Variants in UGGT2 observed in about 807,000 individuals in gnomAD.
The protein encoded by UGGT2 is UDP-glucose glycoprotein glucosyltransferase 2.
Under a neutral mutation model 192.1 loss-of-function variants are expected in UGGT2, and 180 were observed. The observed-to-expected ratio is 0.94, with a 90% CI of 0.83 to 1.06. The LOEUF (loss-of-function observed/expected upper bound fraction) is 1.06. Among genes scored for constraint, UGGT2 ranks in the 50% least tolerant of loss-of-function variants. UGGT2 has a pLI of 0.00. For missense variants in UGGT2, 1,849 were observed against 1,795.7 expected, an observed-to-expected ratio of 1.03 and a Z score of -0.54; for synonymous variants, 580 against 591.0, an observed-to-expected ratio of 0.98 and a Z score of 0.27.
At chr13:95,935,349 T>G (rs904803306) in intron 17 of UGGT2, among the ~76,000 whole-genome samples, 1 of 152,230 alleles carries the variant, frequency 6.6e-6, no homozygotes. Flanking sequence ...AGAGCTCTTG[T>G]AAGGCCCGTT....
intron 1 of UGGT2, among the ~76,000 whole-genome samples, chr13:96,043,010 A>C (rs2053209893): frequency 6.6e-6 from 1 of 152,222 alleles, no homozygotes; most frequent in Admixed American, 6.5e-5. Flanking sequence ...AGAAGCTCAA[A>C]GAACACCTGG....
At position 95,836,967 on chromosome 13, in the gene UGGT2, T is replaced by C. The variant is rs1182505982; in HGVS notation, c.4401+119A>G. On this transcript the variant is annotated intron_variant, in intron 37 of 38. Transcript: ENST00000376747. ...CAACCTAAGTAAATGTGTAATAGAC[T>C]GAACAGCAGAAGAAGCGAAGTAATA... 7.1e-6 allele frequency: 6 copies of C among 849,624 alleles called. No homozygotes were observed. In the East Asian group the frequency reaches 1.6e-4, roughly 22 times the overall value. The allele number at this position is 849,624 out of a possible 1,614,324, so 52.6% of individuals were successfully genotyped here. A position where few individuals can be genotyped will look rare whatever the true frequency, so the allele number is the denominator to read the frequency against.
chr13:95,939,474 G>A (rs1328293056), intron 16 of UGGT2, among the ~76,000 whole-genome samples: 5 of 109,868 alleles, frequency 4.6e-5, no homozygotes, highest in Non-Finnish European at 9.4e-5. Context: ...TTGAGTTGTT[G>A]CCTTTTTTTT....
chr13:95,848,525 C>G (rs1888704014), intron 36 of UGGT2, among the ~76,000 whole-genome samples: 1 of 152,094 alleles, frequency 6.6e-6, no homozygotes, highest in African/African-American at 2.4e-5. Context: ...TCAGTTGTTC[C>G]AGTGACATTT....
chr13:95,860,205 T>C (rs986427371), intron 32 of UGGT2, among the ~76,000 whole-genome samples: 3 of 151,820 alleles, frequency 2.0e-5, no homozygotes, highest in African/African-American at 7.2e-5. Context: ...TGTTTAAAAA[T>C]AGCCTTTTGT....
chr13:95,823,602 T>C (rs932936191), intron 38 of UGGT2, among the ~76,000 whole-genome samples: 1 of 152,092 alleles, frequency 6.6e-6, no homozygotes, highest in Non-Finnish European at 1.5e-5. Flanking sequence ...GGTTTTCATT[T>C]GTGTAGCTTA....
intron 1 of UGGT2, among the ~76,000 whole-genome samples, chr13:96,052,481 AAAG>A (rs1415996764): frequency 2.0e-5 from 3 of 152,206 alleles, no homozygotes; most frequent in African/African-American, 7.2e-5. Context: ...TGAAAAAAAA[AAAG>A]AACTTTTAGC....
chr13:96,028,953 G>A (rs916451414), intron 2 of UGGT2, among the ~76,000 whole-genome samples: 4 of 151,728 alleles, frequency 2.6e-5, no homozygotes, highest in African/African-American at 9.7e-5. Flanking sequence ...AGACCATCCT[G>A]GCTAACACGG....
chr13:95,809,854 T>C (rs1884492775), intron 38 of UGGT2, among the ~76,000 whole-genome samples: 1 of 152,268 alleles, frequency 6.6e-6, no homozygotes, highest in Non-Finnish European at 1.5e-5. Flanking sequence ...TGCTTTAAGT[T>C]GTCACATAAT....
At chr13:95,985,156 T>G in intron 9 of UGGT2, 1 of 631,098 alleles carries the variant, frequency 1.6e-6, no homozygotes, top group Non-Finnish European at 2.3e-6. Context: ...GTTATTTTAC[T>G]TTATTTGTAT....
At chr13:95,831,454 C>CCTTGTTTGT (rs1355219083) in intron 38 of UGGT2, among the ~76,000 whole-genome samples, 3 of 151,920 alleles carry the variant, frequency 2.0e-5, no homozygotes, top group Non-Finnish European at 4.4e-5. Context: ...AATACATTTA[C>CCTTGTTTGT]CTTGTTTGTC....
intron 38 of UGGT2, among the ~76,000 whole-genome samples, chr13:95,824,750 C>T (rs1007390938): frequency 1.3e-5 from 2 of 151,986 alleles, no homozygotes; most frequent in Non-Finnish European, 2.9e-5. Context: ...GTGTAATAAT[C>T]TTCTAAATTC....
At chr13:95,955,483 G>T (rs552753892) in intron 12 of UGGT2, among the ~76,000 whole-genome samples, 34 of 152,258 alleles carry the variant, frequency 2.2e-4, no homozygotes, top group African/African-American at 7.9e-4. Context: ...TACTCATAAG[G>T]TTCTTTTCTG....
chr13:95,845,971 T>A (rs1001552048), intron 36 of UGGT2, among the ~76,000 whole-genome samples: 2 of 142,466 alleles, frequency 1.4e-5, no homozygotes, highest in African/African-American at 5.4e-5. Context: ...GCTCCTCACA[T>A]CCCAGATGAT....
At chr13:95,861,284 G>T (rs1890142088) in intron 31 of UGGT2, among the ~76,000 whole-genome samples, 1 of 152,078 alleles carries the variant, frequency 6.6e-6, no homozygotes, top group South Asian at 2.1e-4. Context: ...AATTTATGTG[G>T]TAACAGGGTA....
chr13:96,008,663 C>G (rs1337338998), intron 5 of UGGT2, among the ~76,000 whole-genome samples: 4 of 152,158 alleles, frequency 2.6e-5, no homozygotes, highest in Non-Finnish European at 5.9e-5. Context: ...ATGACCACAA[C>G]TAACTAGGGA....
At chr13:95,876,377 T>C (rs1467145053) in intron 29 of UGGT2, among the ~76,000 whole-genome samples, 2 of 152,154 alleles carry the variant, frequency 1.3e-5, no homozygotes, top group African/African-American at 2.4e-5. Context: ...GGCAATAGCC[T>C]GGGGCTTCTG....
chr13:96,006,502 G>A (rs544917517), intron 5 of UGGT2, among the ~76,000 whole-genome samples: 1 of 151,684 alleles, frequency 6.6e-6, no homozygotes, highest in Non-Finnish European at 1.5e-5. Flanking sequence ...GTGTGTGCCT[G>A]TAATCCCAGC....
intron 20 of UGGT2, among the ~76,000 whole-genome samples, chr13:95,924,530 G>A (rs937884456): frequency 3.4e-5 from 5 of 149,192 alleles, no homozygotes; most frequent in East Asian, 2.0e-4. Context: ...TATTCTTAAC[G>A]TGGTAGCTAG....
Sources: allele counts gnomAD v4.1 joint callset (sites outside exome capture counted in the v4.1 genomes callset), GRCh38; gene constraint gnomAD v4.1.1; transcripts MANE v1.5; gene names NCBI Gene and HGNC (gene_info 2026-07-23, HGNC 2026-07-21).